Variants in WASHC2A observed in about 807,000 individuals in gnomAD.
The protein encoded by WASHC2A is WASH complex subunit 2A, also known as WASH complex subunit FAM21A.
A neutral mutation model predicts 140.3 loss-of-function variants in WASHC2A; 82 were observed. The observed-to-expected ratio is 0.58, with a 90% CI of 0.49 to 0.70. WASHC2A has a LOEUF of 0.70. WASHC2A is among the 30% of genes least tolerant of loss of function. The pLI is 0.00. For missense variants in WASHC2A, 985 were observed against 1,521.8 expected (o/e 0.65, Z 5.87); for synonymous variants, 340 against 560.8 (o/e 0.61, Z 5.56).
rs1463277377 is a variant in WASHC2A, at chr10:50,078,840, A to G, written c.354+103A>G. The G allele has an allele frequency of 2.9e-4, 470 of 1,610,126 alleles. 1 individual carries two copies. In the African/African-American group the frequency reaches 5.6e-3, roughly 19 times the overall value. The stretch of plus-strand genomic sequence containing the variant: ...TGGGGGATGGTGGGCGGGGTTGGGA[A>G]AGGGAGGGACTGCTCCTGACAGCAG... On this transcript the variant is annotated intron_variant, in intron 4 of 30. Transcript: ENST00000282633.
At chr10:50,076,319 T>C (rs1554877829) in intron 3 of WASHC2A, among the ~76,000 whole-genome samples, 1 of 152,210 alleles carries the variant, frequency 6.6e-6, no homozygotes, top group East Asian at 1.9e-4. Flanking sequence ...TAGCGTTTGA[T>C]TGGAATTGCA....
chr10:50,103,547 G>A (rs1485930028), intron 17 of WASHC2A, among the ~76,000 whole-genome samples: 1 of 151,622 alleles, frequency 6.6e-6, no homozygotes, highest in Non-Finnish European at 1.5e-5. Flanking sequence ...GCAACAGAGC[G>A]AGACTCCGCC....
intron 19 of WASHC2A, among the ~76,000 whole-genome samples, chr10:50,109,107 T>C (rs1186962537): frequency 6.6e-6 from 1 of 151,920 alleles, no homozygotes; most frequent in East Asian, 1.9e-4. Flanking sequence ...GAAATGCAGG[T>C]TCTGATTCAG....
chr10:50,104,223 A>G, intron 18 of WASHC2A, 80 bp downstream of exon 18: 1 of 1,481,746 alleles, frequency 6.7e-7, no homozygotes. Context: ...CCAGAGGCTC[A>G]TATACTAGCA....
intron 28 of WASHC2A, among the ~76,000 whole-genome samples, 186 bp downstream of exon 28, chr10:50,127,981 G>A (rs2242011): frequency 0.023 from 3,432 of 151,136 alleles, 53 homozygotes; most frequent in Non-Finnish European, 0.036. Context: ...CTGCTTTTCC[G>A]TGGCCTGCAT....
intron 30 of WASHC2A, 81 bp downstream of exon 30, chr10:50,131,159 C>T: frequency 6.2e-7 from 1 of 1,609,492 alleles, no homozygotes; most frequent in Non-Finnish European, 8.5e-7. Context: ...CTTTTCTTGG[C>T]CCTTTTCTGG....
chr10:50,092,057 C>G (rs1839984466), intron 10 of WASHC2A, 105 bp from the exon 11 acceptor site: 8 of 1,551,462 alleles, frequency 5.2e-6, no homozygotes, highest in Non-Finnish European at 7.0e-6. Flanking sequence ...AGGCAGATGT[C>G]TTGCTCTTAG....
At chr10:50,121,581 A>G (rs1218444342) in intron 23 of WASHC2A, among the ~76,000 whole-genome samples, 1 of 150,520 alleles carries the variant, frequency 6.6e-6, no homozygotes, top group Middle Eastern at 3.2e-3. Flanking sequence ...TTTAGTAGAG[A>G]CAGGGTTTCA....
Position 50,131,073 on chromosome 10 carries a change from A to G in WASHC2A, c.3881A>G (p.Asp1294Gly). ...GAAGCCAAGTCTATATTTGATGATGATATGGGTAAGTTTGGTTTTCTACAT... is the reference window on the plus strand; with the variant it reads ...GAAGCCAAGTCTATATTTGATGATGGTATGGGTAAGTTTGGTTTTCTACAT... ...KVEAKSIFDD[D>G]MDDIFSSGIQ... The change falls in exon 30 of 31, where the codon GAT (aspartate) becomes GGT (glycine). Residue 1294 changes from aspartate (D) to glycine (G), a missense_variant. Transcript: ENST00000282633. The G allele has an allele frequency of 6.2e-7, 1 of 1,611,930 alleles. No individual in the cohort carries two copies. The highest frequency in any genetic ancestry group is 1.3e-5 in the African/African-American group (1 of 74,960).
intron 16 of WASHC2A, among the ~76,000 whole-genome samples, chr10:50,099,479 A>G (rs1353686255): frequency 2.0e-5 from 3 of 151,144 alleles, no homozygotes; most frequent in Non-Finnish European, 2.9e-5. Context: ...CCAAACCATC[A>G]TTCTTTTTGA....
At chr10:50,111,428 G>A (rs1261960570) in intron 20 of WASHC2A, among the ~76,000 whole-genome samples, 1 of 151,946 alleles carries the variant, frequency 6.6e-6, no homozygotes, top group Non-Finnish European at 1.5e-5. Flanking sequence ...TTCTGATTCT[G>A]CCAGTTCCTG....
rs1564810659 is a variant in WASHC2A, at chr10:50,127,770, C to T, written c.3062C>T (p.Ala1021Val). 2.0e-6 allele frequency: 3 copies of T among 1,527,204 alleles called. No individual in the cohort carries two copies. Among genetic ancestry groups the T allele is most frequent in the East Asian group, 4.7e-5 (2 of 42,168 alleles). 94.6% of individuals were successfully genotyped at this position (1,527,204 alleles called of 1,614,324 possible). A position where few individuals can be genotyped will look rare whatever the true frequency, so the allele number is the denominator to read the frequency against. ...GTGAGTTTTGATCTTCCAGCTCAGG[C>T]AGACACCTTACACAGTGCAAACAAG... Reference protein sequence around the residue: ...AGVSFDLPAQADTLHSANKSR... With the variant: ...AGVSFDLPAQVDTLHSANKSR... Residue 1021 changes from alanine (A) to valine (V), a missense_variant, in exon 28 of 31, where the codon GCA (alanine) becomes GTA (valine). By Grantham distance (64) the Ala-to-Val change is moderately conservative. Coordinates refer to ENST00000282633, the MANE Select transcript of WASHC2A (RefSeq NM_001005751.3).
rs782811548 is a variant in WASHC2A, at chr10:50,095,663, G to A, written c.1305G>A (p.Gln435=). 1.7e-5 allele frequency: 27 copies of A among 1,611,564 alleles called. No individual in the cohort carries two copies. The highest frequency in any genetic ancestry group is 2.3e-5 in the Non-Finnish European group (27 of 1,179,824). The change falls in exon 15 of 31, where the codon CAG becomes CAA. Residue 435 remains glutamine, a synonymous_variant. Coordinates refer to ENST00000282633, the MANE Select transcript of WASHC2A (RefSeq NM_001005751.3). ...PSMKEPQKPE[Q]PTPRKSPYGP... ...TGAAGGAGCCACAGAAGCCTGAGCA[G>A]CCCACTCCAAGGAAAAGCCCCTATG... is the stretch of plus-strand genomic sequence containing the variant.
Position 50,129,512 on chromosome 10 carries a change from G to A in WASHC2A, c.3181G>A (p.Val1061Ile), listed in dbSNP as rs774965510. 4.6e-4 allele frequency: 746 copies of A among 1,612,030 alleles called. 7 individuals are homozygous for A. In the South Asian group the frequency reaches 7.4e-3, roughly 16 times the overall value. The change falls in exon 29 of 31, where the codon GTC becomes ATC. Residue 1061 changes from valine (V) to isoleucine (I), a missense_variant. By Grantham distance (29) the Val-to-Ile change is conservative. Coordinates refer to ENST00000282633, the MANE Select transcript of WASHC2A (RefSeq NM_001005751.3). ...QESSETEDMSVPRGPIAQWAD... is the reference protein window; with the variant it reads ...QESSETEDMSIPRGPIAQWAD... ...GTCCAGCGAGACTGAGGACATGAGC[G>A]TCCCCAGAGGACCCATTGCACAGTG...
chr10:50,074,493 C>A (rs1233645508), intron 3 of WASHC2A, among the ~76,000 whole-genome samples: 12 of 151,458 alleles, frequency 7.9e-5, no homozygotes, highest in Non-Finnish European at 1.8e-4. Context: ...AATCCCTGAT[C>A]TTTATAGAGC....
chr10:50,121,228 T>G (rs1263678711), intron 23 of WASHC2A, among the ~76,000 whole-genome samples: 1 of 150,304 alleles, frequency 6.7e-6, no homozygotes, highest in Admixed American at 6.6e-5. Context: ...GCAGATGGCA[T>G]GATCTTTTAT....
chr10:50,122,868 G>A (rs1342873660), intron 23 of WASHC2A, among the ~76,000 whole-genome samples: 1 of 86,590 alleles, frequency 1.2e-5, no homozygotes, highest in African/African-American at 4.4e-5. Context: ...GTTCAAGGCT[G>A]TAGTGGGCTA....
chr10:50,107,535 G>C (rs1328740075), intron 19 of WASHC2A, among the ~76,000 whole-genome samples: 3 of 151,944 alleles, frequency 2.0e-5, no homozygotes, highest in Non-Finnish European at 4.4e-5. Context: ...AAGTTAATAG[G>C]GGGTGAAGTG....
In WASHC2A at chr10:50,101,731, G is replaced by T. The variant is rs1841202322; in HGVS notation, c.1635+1667G>T. 2.0e-5 allele frequency among the ~76,000 whole-genome samples: 3 copies of T among 152,134 alleles called. No individual in the cohort carries two copies. In the South Asian group the frequency reaches 6.2e-4, roughly 32 times the overall value. ...AGTGGTTCATAACACCCATAGTTTT[G>T]TTGTCTCACAGTTCGAGAGGTTGAC... is the stretch of plus-strand genomic sequence containing the variant. On this transcript the variant is annotated intron_variant, in intron 17 of 30. Coordinates refer to ENST00000282633, the MANE Select transcript of WASHC2A (RefSeq NM_001005751.3).
Sources: allele counts gnomAD v4.1 joint callset (sites outside exome capture counted in the v4.1 genomes callset), GRCh38; gene constraint gnomAD v4.1.1; transcripts MANE v1.5; gene names NCBI Gene and HGNC (gene_info 2026-07-23, HGNC 2026-07-21).